ARB2A: variants seen among roughly 807,000 people sequenced by gnomAD.
ARB2A encodes ARB2 cotranscriptional regulator A.
At chr5:93,907,152 A>G in the ARB2A span, among the ~76,000 whole-genome samples, 1 of 151,394 alleles carries the variant, frequency 6.6e-6, no homozygotes, top group South Asian at 2.1e-4. Flanking sequence ...GAGTCAGCCA[A>G]AGAGTCAGAG....
the ARB2A span, chr5:93,743,439 A>G: frequency 1.3e-4 from 73 of 571,368 alleles, no homozygotes; most frequent in Non-Finnish European, 1.6e-4. Flanking sequence ...GCCTTCAATT[A>G]GATTTTAAGA....
the ARB2A span, among the ~76,000 whole-genome samples, chr5:93,712,009 G>A: frequency 1.3e-5 from 2 of 152,158 alleles, no homozygotes; most frequent in Non-Finnish European, 2.9e-5. Context: ...ATGAACTCCC[G>A]CACATTCCTA....
At chr5:93,727,422 T>A in the ARB2A span, among the ~76,000 whole-genome samples, 2 of 152,068 alleles carry the variant, frequency 1.3e-5, no homozygotes, top group Non-Finnish European at 2.9e-5. Flanking sequence ...TCTGGCATTA[T>A]GATTTGGATG....
chr5:93,848,667 A>G, the ARB2A span, among the ~76,000 whole-genome samples: 1 of 152,194 alleles, frequency 6.6e-6, no homozygotes, highest in Middle Eastern at 3.2e-3. Context: ...TTTGAACTGA[A>G]AAGATGAATG....
At chr5:93,853,773 T>A in the ARB2A span, among the ~76,000 whole-genome samples, 1 of 152,224 alleles carries the variant, frequency 6.6e-6, no homozygotes, top group South Asian at 2.1e-4. Context: ...TTGATTTGCG[T>A]ATATTGAACC....
At chr5:93,875,057 A>G in the ARB2A span, among the ~76,000 whole-genome samples, 1 of 152,188 alleles carries the variant, frequency 6.6e-6, no homozygotes, top group African/African-American at 2.4e-5. Context: ...CCTAGGCTCA[A>G]GAGATGCTCC....
At chr5:94,068,765 T>G in the ARB2A span, among the ~76,000 whole-genome samples, 1 of 147,558 alleles carries the variant, frequency 6.8e-6, no homozygotes, top group African/African-American at 2.5e-5. Flanking sequence ...TTAGTAGGCC[T>G]AGGAAATCCA....
At chr5:94,088,206 T>C in the ARB2A span, among the ~76,000 whole-genome samples, 1 of 152,196 alleles carries the variant, frequency 6.6e-6, no homozygotes, top group African/African-American at 2.4e-5. Flanking sequence ...ATCAATAACA[T>C]ATTGTTACTA....
chr5:94,087,570 T>C, the ARB2A span, among the ~76,000 whole-genome samples: 2 of 152,158 alleles, frequency 1.3e-5, no homozygotes, highest in African/African-American at 4.8e-5. Flanking sequence ...GTTGTATATA[T>C]TTTGTGTAGC....
chr5:93,761,698 G>A, the ARB2A span, among the ~76,000 whole-genome samples: 10 of 152,312 alleles, frequency 6.6e-5, no homozygotes, highest in Middle Eastern at 3.4e-3. Context: ...TGACAGTTTC[G>A]AAGAGAGTAG....
At chr5:93,793,144 C>G in the ARB2A span, among the ~76,000 whole-genome samples, 11 of 151,206 alleles carry the variant, frequency 7.3e-5, 1 homozygote, top group South Asian at 2.3e-3. Flanking sequence ...AGGATCACAG[C>G]TTACTGTAAC....
chr5:93,665,664 C>G, the ARB2A span, among the ~76,000 whole-genome samples: 1 of 152,156 alleles, frequency 6.6e-6, no homozygotes, highest in South Asian at 2.1e-4. Context: ...ATGCATTTTC[C>G]GTGTTAGAGT....
chr5:94,034,019 T>C, the ARB2A span, among the ~76,000 whole-genome samples: 2 of 152,208 alleles, frequency 1.3e-5, no homozygotes, highest in African/African-American at 2.4e-5. Flanking sequence ...TTTACACTTT[T>C]GGAATGTCTG....
chr5:94,037,047 T>C, the ARB2A span, among the ~76,000 whole-genome samples: 1 of 152,310 alleles, frequency 6.6e-6, no homozygotes, highest in African/African-American at 2.4e-5. Flanking sequence ...CACTGATTTA[T>C]GATTGCACCT....
chr5:93,762,127 C>T, the ARB2A span, among the ~76,000 whole-genome samples: 1 of 152,290 alleles, frequency 6.6e-6, no homozygotes, highest in East Asian at 1.9e-4. Flanking sequence ...AAACTGGAAA[C>T]TCTAAAAATC....
the ARB2A span, among the ~76,000 whole-genome samples, chr5:93,767,782 C>A: frequency 6.6e-6 from 1 of 151,722 alleles, no homozygotes; most frequent in African/African-American, 2.4e-5. Flanking sequence ...ATCACGAGGT[C>A]AGGAGATGGA....
At chr5:93,958,999 A>C in the ARB2A span, 1 of 1,437,666 alleles carries the variant, frequency 7.0e-7, no homozygotes, top group Non-Finnish European at 9.4e-7. Context: ...ATAATAAATA[A>C]ATGTCTTCTG....
the ARB2A span, among the ~76,000 whole-genome samples, chr5:93,732,779 G>A: frequency 6.6e-6 from 1 of 151,888 alleles, no homozygotes; most frequent in Non-Finnish European, 1.5e-5. Flanking sequence ...AAGAAGACTA[G>A]GAGAATGTGT....
chr5:94,031,710 A>G, the ARB2A span, among the ~76,000 whole-genome samples: 3 of 152,228 alleles, frequency 2.0e-5, no homozygotes, highest in Non-Finnish European at 4.4e-5. Context: ...AAAAGGCACT[A>G]AAAGCATTGC....
Sources: gnomAD v4.1 joint callset for allele counts (sites outside exome capture counted in the v4.1 genomes callset) on GRCh38, gnomAD v4.1.1 for gene constraint, MANE v1.5 for transcripts, NCBI Gene and HGNC (gene_info 2026-07-23, HGNC 2026-07-21) for gene names.